The following G2E3 variants were observed in gnomAD, a reference collection of about 807,000 sequenced individuals.
G2E3 encodes the protein G2/M-phase specific E3 ubiquitin protein ligase.
Under a neutral mutation model 92.8 loss-of-function variants are expected in G2E3, and 35 were observed. The observed-to-expected ratio is 0.38, with a 90% confidence interval of 0.29 to 0.50. The LOEUF (loss-of-function observed/expected upper bound fraction) is 0.50, where lower values mean the gene tolerates loss of function less well. Ranked by LOEUF, G2E3 falls within the 20% of genes least tolerant of loss-of-function variation. The pLI is 0.94. For missense variants in G2E3, 554 were observed against 823.8 expected, an observed-to-expected ratio of 0.67 and a Z score of 4.01; for synonymous variants, 242 against 272.4, an observed-to-expected ratio of 0.89 and a Z score of 1.10.
chr14:30,567,471 T>G (rs543148807), intron 1 of G2E3, among the ~76,000 whole-genome samples: 13 of 152,084 alleles, frequency 8.5e-5, no homozygotes, highest in Non-Finnish European at 1.9e-4. Context: ...TTAATTCTTT[T>G]TATTTGTATT....
At chr14:30,565,885 A>G (rs527675808) in intron 1 of G2E3, among the ~76,000 whole-genome samples, 1 of 151,692 alleles carries the variant, frequency 6.6e-6, no homozygotes, top group Non-Finnish European at 1.5e-5. Context: ...GATGGTCTTG[A>G]TCTCCTGACC....
chr14:30,616,638 T>A lies in G2E3; in HGVS notation c.*104T>A, dbSNP rs1406295406. Reference sequence around the variant, plus strand: ...ATCACTTTGAACAAACTAGTTAGCTTCTTGACCTAATAAAATTTATGATAT... The same window carrying A: ...ATCACTTTGAACAAACTAGTTAGCTACTTGACCTAATAAAATTTATGATAT... On this transcript the variant is annotated 3_prime_UTR_variant, in exon 15 of 15. Transcript: ENST00000206595. 23 of 806,198 alleles carry A rather than the reference T, an allele frequency of 2.9e-5. No homozygotes were observed. The highest frequency in any genetic ancestry group is 4.0e-5 in the Non-Finnish European group (20 of 505,336). 49.9% of individuals were successfully genotyped at this position (806,198 alleles called of 1,614,324 possible).
At chr14:30,582,036 TA>T (rs1415798163) in intron 2 of G2E3, among the ~76,000 whole-genome samples, 1 of 152,366 alleles carries the variant, frequency 6.6e-6, no homozygotes, top group African/African-American at 2.4e-5. Context: ...TTTATGCTCC[TA>T]AACCTCTTCT....
intron 1 of G2E3, among the ~76,000 whole-genome samples, chr14:30,569,204 A>G (rs1435464230): frequency 6.6e-6 from 1 of 152,212 alleles, no homozygotes; most frequent in East Asian, 1.9e-4. Context: ...CTCCCCAGGG[A>G]TAACCACCAT....
At chr14:30,597,804 A>C (rs977284715) in intron 7 of G2E3, among the ~76,000 whole-genome samples, 1 of 152,268 alleles carries the variant, frequency 6.6e-6, no homozygotes, top group African/African-American at 2.4e-5. Context: ...AGGCTTCAAA[A>C]TGTATAAATT....
intron 6 of G2E3, among the ~76,000 whole-genome samples, chr14:30,594,679 C>T (rs1881187198): frequency 6.7e-6 from 1 of 150,084 alleles, no homozygotes; most frequent in African/African-American, 2.5e-5. Context: ...GGCCACAGAG[C>T]GAGACTCCAT....
chr14:30,597,277 A>G (rs1042060941), intron 6 of G2E3, 143 bp from the exon 7 acceptor site: 9 of 595,180 alleles, frequency 1.5e-5, no homozygotes, highest in Admixed American at 9.9e-5. Context: ...AACTTAGTTT[A>G]TAAGGACAAA....
chr14:30,606,232 T>C (rs142983), intron 11 of G2E3, among the ~76,000 whole-genome samples: 34,086 of 150,740 alleles, frequency 0.23, 4,126 homozygotes, highest in East Asian at 0.47. Context: ...TACTTTTGTT[T>C]GCAATATTTT....
Position 30,597,472 on chromosome 14 carries a change from A to G in G2E3, c.581A>G (p.Asn194Ser). Reference sequence around the variant, plus strand: ...TTCTTTAGGTGTACAATATGCAATAATAGTGACATCTTTCAGAAAGAGATG... The same window carrying G: ...TTCTTTAGGTGTACAATATGCAATAGTAGTGACATCTTTCAGAAAGAGATG... ...VFFFRCTICN[N>S]SDIFQKEMLR... The change falls in exon 7 of 15, where the codon AAT (asparagine) becomes AGT (serine). Residue 194 changes from asparagine (N) to serine (S), a missense_variant. Physicochemically the swap from Asn to Ser is conservative, Grantham distance 46. This residue lies in a region of G2E3 where 20 missense variants were observed against 62.3 expected (regional missense o/e 0.32). Coordinates refer to ENST00000206595, the MANE Select transcript of G2E3 (RefSeq NM_017769.5). The G allele has an allele frequency of 6.3e-7, 1 of 1,598,838 alleles. No individual in the cohort carries two copies.
At chr14:30,597,176 G>GA (rs977452139) in intron 6 of G2E3, among the ~76,000 whole-genome samples, 1 of 151,580 alleles carries the variant, frequency 6.6e-6, no homozygotes, top group East Asian at 1.9e-4. Flanking sequence ...CAATAAGATT[G>GA]AAAAAAATAT....
chr14:30,616,541 T>G lies in G2E3; in HGVS notation c.*7T>G, dbSNP rs757177542. ...TCATTACATTGGACATTAAAATGTT[T>G]CCTTGAACAAAGAGAAGCTTCTTTA... On this transcript the variant is annotated 3_prime_UTR_variant, in exon 15 of 15. Transcript: ENST00000206595. 1.3e-6 allele frequency: 2 copies of G among 1,567,192 alleles called. No homozygotes were observed. The highest frequency in any genetic ancestry group is 2.0e-5 in the Admixed American group (1 of 49,506).
chr14:30,611,062 G>A (rs1255063641), intron 12 of G2E3, among the ~76,000 whole-genome samples: 2 of 152,156 alleles, frequency 1.3e-5, no homozygotes, highest in South Asian at 2.1e-4. Flanking sequence ...TCTCATTATC[G>A]TGTAACACTT....
intron 1 of G2E3, among the ~76,000 whole-genome samples, chr14:30,564,824 A>G (rs1943748603): frequency 6.6e-6 from 1 of 152,328 alleles, no homozygotes; most frequent in East Asian, 1.9e-4. Flanking sequence ...CCACATAATC[A>G]TTCTATGGAT....
Position 30,616,282 on chromosome 14 carries a change from T to C in G2E3, c.1869T>C (p.Gly623=), listed in dbSNP as rs1195907001. 6.2e-7 allele frequency: 1 copy of C among 1,601,966 alleles called. No homozygotes were observed. The highest frequency in any genetic ancestry group is 8.5e-7 in the Non-Finnish European group (1 of 1,170,562). The part of the protein sequence containing the change: ...WNSYLQAVED[G]KSTTTMEDIL... ...TTTATTGGTAAATTTTTTCAGATGGTAAATCTACAACAACAATGGAAGACA... is the reference window on the plus strand; with the variant it reads ...TTTATTGGTAAATTTTTTCAGATGGCAAATCTACAACAACAATGGAAGACA... Residue 623 remains glycine (G), a synonymous_variant, in exon 15 of 15, where the codon GGT becomes GGC. Transcript: ENST00000206595.
chr14:30,603,680 A>G (rs1453737700), intron 10 of G2E3, among the ~76,000 whole-genome samples: 1 of 152,096 alleles, frequency 6.6e-6, no homozygotes, highest in Non-Finnish European at 1.5e-5. Context: ...TGTCTCAACA[A>G]AAATATTTTG....
chr14:30,577,223 CAAAAAAA>C lies in G2E3; in HGVS notation c.-4-3839_-4-3833del, dbSNP rs59757142. ...CTAGCAACAGAGCAAGACTCTGTCT[CAAAAAAA>C]AAAAAAAAAAAAAGAAAAAGAAAAA... On this transcript the variant is annotated intron_variant, in intron 1 of 14. Coordinates refer to ENST00000206595, the MANE Select transcript of G2E3 (RefSeq NM_017769.5). Among the ~76,000 whole-genome samples, 40 of 80,748 alleles carry C rather than the reference CAAAAAAA, an allele frequency of 5.0e-4. No individual in the cohort carries two copies. The South Asian group carries it at 0.016, about 33-fold the overall frequency. 53.0% of individuals were successfully genotyped at this position (80,748 alleles called of 152,430 possible).
chr14:30,601,623 A>G, intron 8 of G2E3, 147 bp from the exon 9 acceptor site: 1 of 716,868 alleles, frequency 1.4e-6, no homozygotes, highest in Non-Finnish European at 2.4e-6. Context: ...TATTTAGAGA[A>G]GCAGATAATC....
chr14:30,608,055 C>A lies in G2E3; in HGVS notation c.1486C>A (p.Gln496Lys). The A allele has an allele frequency of 6.3e-7, 1 of 1,577,332 alleles. No individual in the cohort carries two copies. Among genetic ancestry groups the A allele is most frequent in the Non-Finnish European group, 8.6e-7 (1 of 1,163,300 alleles). ...TGATGTTTCAGACTTTGATGTGGCA[C>A]AGATTATAATCAGGGTAAGCAATGT... ...LDDVSDFDVA[Q>K]IIIRINTATT... The change falls in exon 12 of 15, where the codon CAG (glutamine) becomes AAG (lysine). Residue 496 changes from glutamine (Q) to lysine (K), a missense_variant. Physicochemically the swap from Gln to Lys is moderately conservative, Grantham distance 53 (BLOSUM62 1). Transcript: ENST00000206595.
At chr14:30,583,104 TTTC>T (rs1194058693) in intron 2 of G2E3, among the ~76,000 whole-genome samples, 1 of 152,084 alleles carries the variant, frequency 6.6e-6, no homozygotes, top group Non-Finnish European at 1.5e-5. Flanking sequence ...AGTTAGGGAG[TTTC>T]TGCGGTATGC....
Sources: allele counts gnomAD v4.1 joint callset (sites outside exome capture counted in the v4.1 genomes callset), GRCh38; gene constraint gnomAD v4.1.1; regional missense constraint gnomAD v4.1.1; transcripts MANE v1.5; gene names NCBI Gene and HGNC (gene_info 2026-07-23, HGNC 2026-07-21).